The following FKBP5 variants were observed in gnomAD, a reference collection of about 807,000 sequenced individuals.
FKBP5 encodes the protein peptidyl-prolyl cis-trans isomerase FKBP5.
A neutral mutation model predicts 50.5 loss-of-function variants in FKBP5; 23 were observed. The ratio of observed to expected loss-of-function variants is 0.46; its 90% confidence interval spans 0.33 to 0.65. FKBP5 has a LOEUF of 0.65. FKBP5 is among the 30% of genes least tolerant of loss of function. The pLI, the probability that FKBP5 is intolerant of heterozygous loss-of-function variation, is 0.02. For missense variants in FKBP5, 411 were observed against 553.1 expected (o/e 0.74, Z 2.58); for synonymous variants, 176 against 190.6 (o/e 0.92, Z 0.63).
intron 1 of FKBP5, among the ~76,000 whole-genome samples, chr6:35,682,810 A>G (rs1243253871): frequency 6.6e-6 from 1 of 151,800 alleles, no homozygotes; most frequent in African/African-American, 2.4e-5. Context: ...TGGGAGGCTG[A>G]GACAAGAGGA....
chr6:35,656,262 A>G (rs1334781806), intron 1 of FKBP5, among the ~76,000 whole-genome samples: 1 of 152,236 alleles, frequency 6.6e-6, no homozygotes, highest in African/African-American at 2.4e-5. Flanking sequence ...GAAAAGGCCA[A>G]TAAACTCAGA....
chr6:35,604,925 C>T (rs1219858561), intron 5 of FKBP5, among the ~76,000 whole-genome samples: 1 of 151,942 alleles, frequency 6.6e-6, no homozygotes, highest in African/African-American at 2.4e-5. Flanking sequence ...GCTGGGACTA[C>T]AGGCGCCCGC....
intron 5 of FKBP5, among the ~76,000 whole-genome samples, chr6:35,616,617 G>A (rs751029451): frequency 2.0e-5 from 3 of 152,038 alleles, no homozygotes; most frequent in African/African-American, 4.8e-5. Context: ...GACTCCCATC[G>A]CAAGTATTAC....
chr6:35,698,254 AT>A (rs1419822448), intron 2 of FKBP5, among the ~76,000 whole-genome samples: 4 of 152,186 alleles, frequency 2.6e-5, no homozygotes, highest in African/African-American at 9.7e-5. Context: ...AGGCAGGAGA[AT>A]CGCTTGAACC....
intron 1 of FKBP5, among the ~76,000 whole-genome samples, chr6:35,721,155 C>A (rs1187724857): frequency 1.3e-5 from 2 of 152,018 alleles, no homozygotes; most frequent in Admixed American, 6.6e-5. Context: ...AGTTTGAGAC[C>A]ACGCTGGCCA....
chr6:35,687,590 T>C (rs1437776511), intron 1 of FKBP5, among the ~76,000 whole-genome samples: 9 of 152,062 alleles, frequency 5.9e-5, no homozygotes, highest in African/African-American at 1.9e-4. Context: ...TCTAACAAAA[T>C]GGGAAGACAA....
intron 1 of FKBP5, among the ~76,000 whole-genome samples, chr6:35,722,189 G>T (rs1185733966): frequency 6.6e-6 from 1 of 150,472 alleles, no homozygotes; most frequent in African/African-American, 2.5e-5. Flanking sequence ...TTTTTTTTAT[G>T]GCCTGTCCCC....
intron 6 of FKBP5, among the ~76,000 whole-genome samples, chr6:35,597,013 G>C (rs1215830897): frequency 6.6e-6 from 1 of 152,102 alleles, no homozygotes; most frequent in African/African-American, 2.4e-5. Context: ...CATCACAAAA[G>C]CAAAAAGTGG....
intron 2 of FKBP5, 115 bp from the exon 3 acceptor site, chr6:35,637,273 T>C: frequency 1.2e-6 from 1 of 863,070 alleles, no homozygotes; most frequent in Non-Finnish European, 1.8e-6. Flanking sequence ...AATATACTAT[T>C]ATCCATTCTT....
At chr6:35,642,374 G>A (rs994182443) in intron 2 of FKBP5, among the ~76,000 whole-genome samples, 1 of 152,128 alleles carries the variant, frequency 6.6e-6, no homozygotes, top group African/African-American at 2.4e-5. Flanking sequence ...GAGGTGGGAG[G>A]ATTGCTTGAG....
chr6:35,720,807 C>T (rs1766598499), intron 1 of FKBP5, among the ~76,000 whole-genome samples: 2 of 152,204 alleles, frequency 1.3e-5, no homozygotes, highest in Non-Finnish European at 2.9e-5. Flanking sequence ...AAAGAAGAAT[C>T]ACCATTAATT....
chr6:35,726,536 CCACACACACACACACA>C (rs10599241), intron 1 of FKBP5, among the ~76,000 whole-genome samples: 3,463 of 139,430 alleles, frequency 0.025, 62 homozygotes, highest in Non-Finnish European at 0.035. Context: ...TCCTCCTCCT[CCACACACACACACACA>C]CACACACACA....
At chr6:35,600,647 AT>A (rs529211836) in intron 5 of FKBP5, among the ~76,000 whole-genome samples, 24 of 151,816 alleles carry the variant, frequency 1.6e-4, no homozygotes, top group Admixed American at 5.2e-4. Flanking sequence ...TAGTTAACAG[AT>A]TTTTTTTGTC....
chr6:35,674,796 CA>C (rs997172768), intron 1 of FKBP5, among the ~76,000 whole-genome samples: 8 of 152,182 alleles, frequency 5.3e-5, no homozygotes, highest in Admixed American at 1.3e-4. Context: ...ATTAGTCCTT[CA>C]AAGCTGAGAT....
chr6:35,581,105 G>A, intron 8 of FKBP5: 5 of 962,470 alleles, frequency 5.2e-6, no homozygotes. Context: ...ACAAAAACAG[G>A]CAGGGACCAG....
chr6:35,683,154 G>A (rs1424786178), intron 1 of FKBP5, among the ~76,000 whole-genome samples: 1 of 145,848 alleles, frequency 6.9e-6, no homozygotes, highest in Non-Finnish European at 1.5e-5. Context: ...GTGTGTGTGT[G>A]TGTGTGTGTG....
chr6:35,587,139 T>G (rs778146747), intron 7 of FKBP5, 22 bp from the exon 8 acceptor site: 5 of 1,609,414 alleles, frequency 3.1e-6, no homozygotes, highest in Middle Eastern at 1.6e-4. Flanking sequence ...TTTGTGACAA[T>G]GGTTAGATGA....
intron 1 of FKBP5, among the ~76,000 whole-genome samples, chr6:35,646,684 T>C (rs1314710596): frequency 1.3e-5 from 2 of 152,228 alleles, no homozygotes; most frequent in Non-Finnish European, 2.9e-5. Context: ...ATTCTGGATT[T>C]AAAATCACTA....
intron 1 of FKBP5, among the ~76,000 whole-genome samples, chr6:35,681,966 T>C (rs542799928): frequency 1.3e-5 from 2 of 152,188 alleles, no homozygotes; most frequent in Non-Finnish European, 2.9e-5. Flanking sequence ...TGAAAGTAAA[T>C]CTAAGATGGG....
Sources: gnomAD v4.1 joint callset for allele counts (sites outside exome capture counted in the v4.1 genomes callset) on GRCh38, gnomAD v4.1.1 for gene constraint, MANE v1.5 for transcripts, NCBI Gene and HGNC (gene_info 2026-07-23, HGNC 2026-07-21) for gene names.